Variants in PALS1 observed in about 807,000 individuals in gnomAD.
The protein encoded by PALS1 is protein associated with LIN7 1, MAGUK p55 family member.
In PALS1, 31 loss-of-function variants were observed where a neutral mutation model predicts 78.9. The observed-to-expected ratio is 0.39, with a 90% CI of 0.30 to 0.53. The LOEUF (loss-of-function observed/expected upper bound fraction) is 0.53, where lower values mean the gene tolerates loss of function less well. PALS1 is among the 20% of genes least tolerant of loss of function. The probability of loss-of-function intolerance (pLI) is 0.67; values close to 1 mark genes in which losing one functional copy is unlikely to be tolerated. For synonymous variants in PALS1, 276 were observed against 270.9 expected (o/e 1.02, Z -0.18); for missense variants, 704 against 826.5 (o/e 0.85, Z 1.82).
chr14:67,266,007 CTG>C (rs1173380370), intron 1 of PALS1, among the ~76,000 whole-genome samples: 7 of 152,086 alleles, frequency 4.6e-5, no homozygotes, highest in Non-Finnish European at 1.0e-4. Flanking sequence ...CAAGGTCTCA[CTG>C]TGTTGCCAAG....
At position 67,335,938 on chromosome 14, in the gene PALS1, A is replaced by G. The variant is rs938897229; in HGVS notation, c.*2982A>G. ...CATTGGATCCTCCAGCTACAACACA[A>G]AATACTTTTTGATTTGTTCTTTACA... is the stretch of plus-strand genomic sequence containing the variant. On this transcript the variant is annotated 3_prime_UTR_variant, in exon 15 of 15. Transcript: ENST00000261681. 2.6e-5 allele frequency: 4 copies of G among 152,226 alleles called. No homozygotes were observed. The highest frequency in any genetic ancestry group is 9.6e-5 in the African/African-American group (4 of 41,458). The allele number at this position is 152,226 out of a possible 1,614,324, so 9.4% of individuals were successfully genotyped here.
At chr14:67,281,023 C>G (rs574955211) in intron 3 of PALS1, among the ~76,000 whole-genome samples, 10 of 151,894 alleles carry the variant, frequency 6.6e-5, no homozygotes, top group Admixed American at 1.3e-4. Flanking sequence ...CTTAGCCTCC[C>G]GAGTGGCTGG....
At chr14:67,242,679 A>T (rs927467019) in intron 1 of PALS1, among the ~76,000 whole-genome samples, 9 of 151,094 alleles carry the variant, frequency 6.0e-5, no homozygotes, top group Non-Finnish European at 8.9e-5. Context: ...GATAGGTTTT[A>T]TAGGCTTTCT....
intron 8 of PALS1, among the ~76,000 whole-genome samples, chr14:67,307,288 A>C (rs1221626215): frequency 6.7e-6 from 1 of 149,126 alleles, no homozygotes; most frequent in East Asian, 2.1e-4. Flanking sequence ...AGTTTGTAAA[A>C]CTTTAGATTA....
Position 67,321,641 on chromosome 14 carries a change from A to G in PALS1, c.1740+382A>G, listed in dbSNP as rs2085266623. 2.6e-5 allele frequency among the ~76,000 whole-genome samples: 4 copies of G among 152,152 alleles called. No homozygotes were observed. The South Asian group carries it at 8.3e-4, about 31-fold the overall frequency. On this transcript the variant is annotated intron_variant, in intron 13 of 14. Coordinates refer to ENST00000261681, the MANE Select transcript of PALS1 (RefSeq NM_022474.4). Reference sequence around the variant, plus strand: ...ACCTTATTTACTTAGCCTGAAGGTAATTTTATTTTTCCTGGGGATATTGAA... The same window carrying G: ...ACCTTATTTACTTAGCCTGAAGGTAGTTTTATTTTTCCTGGGGATATTGAA...
chr14:67,281,810 A>AT (rs11411680), intron 3 of PALS1, among the ~76,000 whole-genome samples: 28,186 of 146,784 alleles, frequency 0.19, 5,240 homozygotes, highest in African/African-American at 0.45. Flanking sequence ...ATTTCTCTTA[A>AT]TTTTTTTTTT....
intron 2 of PALS1, among the ~76,000 whole-genome samples, chr14:67,273,711 A>G (rs887509980): frequency 9.2e-5 from 14 of 152,166 alleles, no homozygotes; most frequent in Admixed American, 9.2e-4. Flanking sequence ...GTCTTCCACA[A>G]TGGTTGAACT....
intron 1 of PALS1, among the ~76,000 whole-genome samples, chr14:67,257,254 A>G (rs1426361912): frequency 6.6e-6 from 1 of 152,174 alleles, no homozygotes; most frequent in African/African-American, 2.4e-5. Flanking sequence ...AGAGGAAGCA[A>G]TCAGATATGC....
At position 67,317,591 on chromosome 14, in the gene PALS1, GT is replaced by G. The variant is rs1297148659; in HGVS notation, c.1369+113del. On this transcript the variant is annotated intron_variant, in intron 11 of 14. Coordinates refer to ENST00000261681, the MANE Select transcript of PALS1 (RefSeq NM_022474.4). Reference sequence around the variant, plus strand: ...GCTTGAGAAAATCATTTAGTAGAAAGTATTTTCTTTTGGAATCCTGTGAGTA... The same window carrying G: ...GCTTGAGAAAATCATTTAGTAGAAAGATTTTCTTTTGGAATCCTGTGAGTA... 1.5e-5 allele frequency: 10 copies of G among 654,038 alleles called. No individual in the cohort carries two copies. The African/African-American group carries it at 1.9e-4, about 12-fold the overall frequency. 40.5% of individuals were successfully genotyped at this position (654,038 alleles called of 1,614,324 possible). A position where few individuals can be genotyped will look rare whatever the true frequency, so the allele number is the denominator to read the frequency against.
intron 8 of PALS1, 42 bp from the exon 9 acceptor site, chr14:67,312,485 A>G (rs2085105280): frequency 7.2e-7 from 1 of 1,381,026 alleles, no homozygotes; most frequent in Non-Finnish European, 9.7e-7. Context: ...GAAACATTTT[A>G]TATTGCCATT....
At position 67,332,980 on chromosome 14, in the gene PALS1, G is replaced by A; in HGVS notation, c.*24G>A. The A allele has an allele frequency of 6.3e-7, 1 of 1,587,322 alleles. No homozygotes were observed. The highest frequency in any genetic ancestry group is 8.6e-7 in the Non-Finnish European group (1 of 1,161,842). ...GAAAGAAACATCCATTCTGTGGCAT[G>A]TTGGACTTGATCTGGCAAAAACTGC... is the stretch of plus-strand genomic sequence containing the variant. On this transcript the variant is annotated 3_prime_UTR_variant, in exon 15 of 15. Coordinates refer to ENST00000261681, the MANE Select transcript of PALS1 (RefSeq NM_022474.4).
Position 67,332,850 on chromosome 14 carries a change from C to G in PALS1, c.1922C>G (p.Thr641Arg), listed in dbSNP as rs774877439. Residue 641 changes from threonine (T) to arginine (R), a missense_variant, in exon 15 of 15, where the codon ACG (threonine) becomes AGG (arginine). Transcript: ENST00000261681. ...CAGAACAATGGCCACTACTTTGATA[C>G]GGCAATTGTGAATTCCGATCTTGAT... ...MEQNNGHYFD[T>R]AIVNSDLDKA... The G allele has an allele frequency of 1.9e-6, 3 of 1,613,844 alleles. No individual in the cohort carries two copies. Among genetic ancestry groups the G allele is most frequent in the Non-Finnish European group, 2.5e-6 (3 of 1,179,774 alleles).
At chr14:67,317,651 C>T (rs565851777) in intron 11 of PALS1, among the ~76,000 whole-genome samples, 172 bp downstream of exon 11, 5 of 152,218 alleles carry the variant, frequency 3.3e-5, no homozygotes, top group African/African-American at 1.2e-4. Context: ...AAAACTGATA[C>T]AAAAATTCAA....
At chr14:67,286,689 C>T (rs1010880762) in intron 3 of PALS1, among the ~76,000 whole-genome samples, 6 of 148,874 alleles carry the variant, frequency 4.0e-5, no homozygotes, top group Admixed American at 2.0e-4. Flanking sequence ...AACTCCATCT[C>T]TACCAAAAAA....
chr14:67,257,005 G>A (rs575322028), intron 1 of PALS1, among the ~76,000 whole-genome samples: 4 of 152,254 alleles, frequency 2.6e-5, no homozygotes, highest in Admixed American at 2.0e-4. Flanking sequence ...CAAGGTGATC[G>A]GGGTACAGCT....
At position 67,279,056 on chromosome 14, in the gene PALS1, G is replaced by T; in HGVS notation, c.-115G>T. On this transcript the variant is annotated 5_prime_UTR_variant, in exon 3 of 15. An upstream open reading frame in the 5' UTR loses its in-frame stop. Transcript: ENST00000261681. ...ATACTTTTTCATAGCATTATTATGT[G>T]ATGTGAGAAGTTTTTTTTTTTGAAG... The T allele has an allele frequency of 4.1e-6, 4 of 979,830 alleles. No individual in the cohort carries two copies. Among genetic ancestry groups the T allele is most frequent in the South Asian group, 2.2e-5 (1 of 44,676 alleles). 60.7% of individuals were successfully genotyped at this position (979,830 alleles called of 1,614,324 possible).
chr14:67,253,958 G>GT lies in PALS1; in HGVS notation c.-237+12429dup, dbSNP rs1158148614. ...ATCAGTGTGTTTGTGTTAATATTTT[G>GT]TTTTGTTTTTTTTTTTCCATTTTGA... On this transcript the variant is annotated intron_variant, in intron 1 of 14. Coordinates refer to ENST00000261681, the MANE Select transcript of PALS1 (RefSeq NM_022474.4). Among the ~76,000 whole-genome samples the GT allele has an allele frequency of 4.4e-3, 636 of 143,076 alleles. 6 individuals carry two copies. Among genetic ancestry groups the GT allele is most frequent in the African/African-American group, 0.016 (608 of 37,552 alleles). The allele number at this position is 143,076 out of a possible 152,430, so 93.9% of individuals were successfully genotyped here.
intron 3 of PALS1, among the ~76,000 whole-genome samples, chr14:67,290,450 T>G (rs2084755076): frequency 6.6e-6 from 1 of 152,206 alleles, no homozygotes; most frequent in African/African-American, 2.4e-5. Flanking sequence ...TTGCCCAGGC[T>G]AGAGTGCAGT....
chr14:67,282,774 G>T (rs375742639), intron 3 of PALS1, among the ~76,000 whole-genome samples: 1 of 152,022 alleles, frequency 6.6e-6, no homozygotes, highest in East Asian at 1.9e-4. Flanking sequence ...TATTGTCTTT[G>T]TTCTCTTTCA....
Sources: gnomAD v4.1 joint callset for allele counts (sites outside exome capture counted in the v4.1 genomes callset) on GRCh38, gnomAD v4.1.1 for gene constraint, MANE v1.5 for transcripts, NCBI Gene and HGNC (gene_info 2026-07-23, HGNC 2026-07-21) for gene names.